Variants in CNTNAP2 observed in about 807,000 individuals in gnomAD.
The protein encoded by CNTNAP2 is contactin associated protein 2, also known as contactin-associated protein-like 2.
In CNTNAP2, 98 loss-of-function variants were observed where a neutral mutation model predicts 155.2. The observed-to-expected ratio is 0.63, with a 90% CI of 0.54 to 0.75. The LOEUF is 0.75. Among genes scored for constraint, CNTNAP2 ranks in the 30% least tolerant of loss-of-function variants. The pLI is 0.00. For synonymous variants in CNTNAP2, 651 were observed against 631.2 expected (o/e 1.03, Z -0.47); for missense variants, 1,727 against 1,688.1 (o/e 1.02, Z -0.40).
chr7:147,327,782 C>T (rs1795487300), intron 9 of CNTNAP2, among the ~76,000 whole-genome samples: 1 of 152,124 alleles, frequency 6.6e-6, no homozygotes, highest in Non-Finnish European at 1.5e-5. Context: ...ACAAGTTTTT[C>T]CTTATTGTCT....
At chr7:148,208,375 G>A (rs1284433295) in intron 18 of CNTNAP2, among the ~76,000 whole-genome samples, 1 of 152,162 alleles carries the variant, frequency 6.6e-6, no homozygotes, top group African/African-American at 2.4e-5. Context: ...ACAAGGCGGA[G>A]TTTCCCTACA....
At chr7:147,645,176 C>T (rs1412706581) in intron 13 of CNTNAP2, among the ~76,000 whole-genome samples, 1 of 152,084 alleles carries the variant, frequency 6.6e-6, no homozygotes, top group Non-Finnish European at 1.5e-5. Flanking sequence ...CTTTATGATA[C>T]TAAACTGTGA....
chr7:147,023,322 G>C (rs1296963877), intron 3 of CNTNAP2, among the ~76,000 whole-genome samples: 1 of 152,100 alleles, frequency 6.6e-6, no homozygotes, highest in African/African-American at 2.4e-5. Context: ...AATTTTGATA[G>C]TGCAAGGACC....
At chr7:146,335,587 T>C (rs969317122) in intron 1 of CNTNAP2, among the ~76,000 whole-genome samples, 1 of 152,220 alleles carries the variant, frequency 6.6e-6, no homozygotes, top group Non-Finnish European at 1.5e-5. Flanking sequence ...GCTTTGCTTT[T>C]GACGGTTTTC....
intron 12 of CNTNAP2, among the ~76,000 whole-genome samples, chr7:147,588,438 G>A (rs577337566): frequency 1.3e-5 from 2 of 152,124 alleles, no homozygotes; most frequent in Non-Finnish European, 2.9e-5. Context: ...GTGAATAGAT[G>A]TATTAGAATT....
chr7:148,315,320 T>G (rs1021438926), intron 21 of CNTNAP2, among the ~76,000 whole-genome samples: 14 of 151,842 alleles, frequency 9.2e-5, no homozygotes, highest in Non-Finnish European at 5.9e-5. Flanking sequence ...CAAAGGGAGA[T>G]AGGGGTGAGG....
intron 13 of CNTNAP2, among the ~76,000 whole-genome samples, chr7:147,779,621 T>A (rs1171831973): frequency 6.6e-6 from 1 of 152,180 alleles, no homozygotes; most frequent in Admixed American, 6.5e-5. Context: ...AACTGTTAAA[T>A]GACTGAATCA....
At chr7:147,974,044 TTAAG>T (rs1397706432) in intron 14 of CNTNAP2, among the ~76,000 whole-genome samples, 1 of 151,746 alleles carries the variant, frequency 6.6e-6, no homozygotes, top group African/African-American at 2.4e-5. Flanking sequence ...TGCAAAATAA[TTAAG>T]TAATGCCTGC....
rs551146013 is a variant in CNTNAP2, at chr7:146,601,337, A to C, written c.98-172934A>C. ...GGAATTTTGACTTAAATGTGTGAAG[A>C]ATTTTTATAATTGCTGTGCCTACAG... On this transcript the variant is annotated intron_variant, in intron 1 of 23. Coordinates refer to ENST00000361727, the MANE Select transcript of CNTNAP2 (RefSeq NM_014141.6). Among the ~76,000 whole-genome samples, 3 of 152,240 alleles carry C rather than the reference A, an allele frequency of 2.0e-5. No homozygotes were observed. The East Asian group carries it at 5.8e-4, about 29-fold the overall frequency.
intron 17 of CNTNAP2, among the ~76,000 whole-genome samples, chr7:148,171,281 T>C (rs1215147458): frequency 6.6e-6 from 1 of 152,182 alleles, no homozygotes; most frequent in Non-Finnish European, 1.5e-5. Context: ...ATTAACAGTA[T>C]TTTCTTTTCT....
intron 1 of CNTNAP2, among the ~76,000 whole-genome samples, chr7:146,231,589 T>C (rs1799386494): frequency 6.6e-6 from 1 of 152,248 alleles, no homozygotes; most frequent in Admixed American, 6.5e-5. Context: ...TTTTGCATAG[T>C]AATCCTACCA....
chr7:146,844,054 A>G (rs887046890), intron 3 of CNTNAP2, among the ~76,000 whole-genome samples: 7 of 152,142 alleles, frequency 4.6e-5, no homozygotes, highest in African/African-American at 1.7e-4. Flanking sequence ...TGGACAACAT[A>G]AGTAATTTTT....
chr7:148,281,095 G>A (rs1156535394), intron 21 of CNTNAP2, among the ~76,000 whole-genome samples: 1 of 151,786 alleles, frequency 6.6e-6, no homozygotes, highest in Non-Finnish European at 1.5e-5. Context: ...TTAAGCCACC[G>A]GTTCTACCCA....
intron 4 of CNTNAP2, among the ~76,000 whole-genome samples, chr7:147,046,981 A>G (rs867204163): frequency 1.2e-4 from 18 of 147,192 alleles, no homozygotes; most frequent in Middle Eastern, 3.4e-3. Context: ...GCAGTGAGCC[A>G]AGATTGCACC....
intron 21 of CNTNAP2, among the ~76,000 whole-genome samples, chr7:148,373,933 C>T (rs1180458094): frequency 6.6e-6 from 1 of 152,222 alleles, no homozygotes; most frequent in East Asian, 1.9e-4. Context: ...GCTTCAAGTT[C>T]AGCCTCAAAG....
intron 4 of CNTNAP2, among the ~76,000 whole-genome samples, chr7:147,059,271 A>T (rs1201143049): frequency 6.6e-6 from 1 of 152,174 alleles, no homozygotes; most frequent in Non-Finnish European, 1.5e-5. Context: ...GGTTGATGCC[A>T]TTAAATTGGT....
chr7:146,754,548 CTCTCTG>C (rs765022121), intron 1 of CNTNAP2, among the ~76,000 whole-genome samples: 8,692 of 131,222 alleles, frequency 0.066, 297 homozygotes, highest in Non-Finnish European at 0.082. Context: ...CTCTCTCTCT[CTCTCTG>C]TCTCTCTCTC....
chr7:147,881,933 CT>C (rs1426164428), intron 13 of CNTNAP2, among the ~76,000 whole-genome samples: 1 of 152,072 alleles, frequency 6.6e-6, no homozygotes, highest in Non-Finnish European at 1.5e-5. Context: ...GATTAAGCCA[CT>C]GCACTCCAGC....
In CNTNAP2 at chr7:148,223,594, C is replaced by T. The variant is rs1454108718; in HGVS notation, c.3248-6052C>T. On this transcript the variant is annotated intron_variant, in intron 19 of 23. Transcript: ENST00000361727. ...TGGACAAATACTAGCATTCTTCCTA[C>T]CATCATTTAGCGGTCCTCTTCTGCT... is the stretch of plus-strand genomic sequence containing the variant. Among the ~76,000 whole-genome samples the T allele has an allele frequency of 2.0e-5, 3 of 152,134 alleles. No homozygotes were observed. In the East Asian group the frequency reaches 5.8e-4, roughly 29 times the overall value.
Sources: allele counts gnomAD v4.1 joint callset (sites outside exome capture counted in the v4.1 genomes callset), GRCh38; gene constraint gnomAD v4.1.1; transcripts MANE v1.5; gene names NCBI Gene and HGNC (gene_info 2026-07-23, HGNC 2026-07-21).